GRIP1: variants seen among roughly 807,000 people sequenced by gnomAD.
GRIP1 encodes the protein glutamate receptor-interacting protein 1.
GRIP1 carries 45 observed loss-of-function variants against 129.9 expected under a neutral mutation model. The observed-to-expected ratio is 0.35, with a 90% CI of 0.27 to 0.44. GRIP1 has a LOEUF of 0.44. Ranked by LOEUF, GRIP1 falls within the 20% of genes least tolerant of loss-of-function variation. The pLI, the probability that GRIP1 is intolerant of heterozygous loss-of-function variation, is 1.00. For synonymous variants in GRIP1, 530 were observed against 520.8 expected (o/e 1.02, Z -0.24); for missense variants, 1,196 against 1,396.8 (o/e 0.86, Z 2.29).
intron 1 of GRIP1, among the ~76,000 whole-genome samples, chr12:66,603,381 C>T (rs2064367927): frequency 6.6e-6 from 1 of 152,226 alleles, no homozygotes; most frequent in South Asian, 2.1e-4. Flanking sequence ...TCTTCCCCTA[C>T]TGCTCTATTA....
intron 1 of GRIP1, among the ~76,000 whole-genome samples, chr12:66,760,793 C>A (rs996165790): frequency 1.3e-5 from 2 of 151,226 alleles, no homozygotes; most frequent in African/African-American, 4.9e-5. Flanking sequence ...CCACACATCT[C>A]AATTTGATCT....
chr12:66,558,797 A>G (rs914523423), intron 2 of GRIP1, among the ~76,000 whole-genome samples: 13 of 124,736 alleles, frequency 1.0e-4, no homozygotes, highest in African/African-American at 3.7e-4. Flanking sequence ...ATTCCAAAAA[A>G]TAAAGGAGAG....
chr12:66,807,881 C>T (rs185853039), upstream of GRIP1, among the ~76,000 whole-genome samples: 650 of 151,984 alleles, frequency 4.3e-3, 5 homozygotes, highest in African/African-American at 0.014. Flanking sequence ...AATGTGAGAA[C>T]GGACTAATAC....
chr12:66,789,736 C>T lies in GRIP1; in HGVS notation c.-420+14317G>A, dbSNP rs138426818. Among the ~76,000 whole-genome samples the T allele has an allele frequency of 5.8e-3, 883 of 152,120 alleles. 18 individuals are homozygous for T. In the South Asian group the frequency reaches 0.07, roughly 12 times the overall value. ...AACCATGCAATCCGAATTACTTCTC[C>T]CTTGAATATAAAACTCTCATACTTT... On this transcript the variant is annotated intron_variant, in intron 1 of 4. Transcript: ENST00000538373.
At chr12:66,997,423 T>C (rs1397934055) in intron 1 of GRIP1, among the ~76,000 whole-genome samples, 2 of 151,904 alleles carry the variant, frequency 1.3e-5, no homozygotes, top group Admixed American at 6.6e-5. Context: ...TCTCAAAAAA[T>C]AAGAAGAATA....
chr12:66,650,377 T>C (rs1014417109), intron 1 of GRIP1, among the ~76,000 whole-genome samples: 1 of 152,208 alleles, frequency 6.6e-6, no homozygotes, highest in African/African-American at 2.4e-5. Context: ...AAATAAAGTA[T>C]GTTTTATGAA....
At chr12:66,468,160 A>G (rs1353510966) in intron 7 of GRIP1, among the ~76,000 whole-genome samples, 2 of 152,124 alleles carry the variant, frequency 1.3e-5, no homozygotes, top group Non-Finnish European at 1.5e-5. Context: ...GTTCCAGCCA[A>G]TGGGAAGTGA....
chr12:67,026,724 T>C (rs2042946360), intron 1 of GRIP1, among the ~76,000 whole-genome samples: 1 of 152,134 alleles, frequency 6.6e-6, no homozygotes, highest in African/African-American at 2.4e-5. Context: ...TGATCTCATA[T>C]CTCATGGTCA....
chr12:67,038,961 T>A (rs1412130646), intron 1 of GRIP1, among the ~76,000 whole-genome samples: 3 of 152,044 alleles, frequency 2.0e-5, no homozygotes, highest in Admixed American at 2.0e-4. Flanking sequence ...ACCACAGCAA[T>A]ATGACCAAAC....
At chr12:66,846,249 T>C (rs1407869766) in intron 1 of GRIP1, among the ~76,000 whole-genome samples, 1 of 152,208 alleles carries the variant, frequency 6.6e-6, no homozygotes, top group Non-Finnish European at 1.5e-5. Context: ...GATTGTCTCC[T>C]TGACATTTTC....
intron 6 of GRIP1, among the ~76,000 whole-genome samples, chr12:66,516,151 G>A (rs950560644): frequency 2.6e-5 from 4 of 152,130 alleles, no homozygotes; most frequent in African/African-American, 4.8e-5. Flanking sequence ...AAAAGCCTGC[G>A]AATTTCATTC....
At chr12:66,417,868 C>T (rs1404081999) in intron 15 of GRIP1, among the ~76,000 whole-genome samples, 2 of 152,104 alleles carry the variant, frequency 1.3e-5, no homozygotes, top group African/African-American at 4.8e-5. Flanking sequence ...CTACCCAGAG[C>T]AATCTACATA....
At chr12:66,848,152 A>G (rs1320177311) in intron 1 of GRIP1, among the ~76,000 whole-genome samples, 1 of 152,048 alleles carries the variant, frequency 6.6e-6, no homozygotes, top group East Asian at 1.9e-4. Context: ...AATTTGTAAT[A>G]ATCTTCAGTT....
intron 1 of GRIP1, among the ~76,000 whole-genome samples, chr12:67,030,447 G>A (rs1361641540): frequency 6.6e-6 from 1 of 152,032 alleles, no homozygotes; most frequent in Non-Finnish European, 1.5e-5. Context: ...AATGAGGTCT[G>A]TACAAGAAAG....
In GRIP1 at chr12:66,559,642, C is replaced by T. The variant is rs538050199; in HGVS notation, c.137-17692G>A. On this transcript the variant is annotated intron_variant, in intron 2 of 24. Transcript: ENST00000359742. ...AAGTGAAAGGTCTTTACAATGAAAA[C>T]TTTAAAACCTTGATGAAAGAAATTG... is the stretch of plus-strand genomic sequence containing the variant. Among the ~76,000 whole-genome samples, 3 of 152,048 alleles carry T rather than the reference C, an allele frequency of 2.0e-5. No individual in the cohort carries two copies. The East Asian group carries it at 5.8e-4, about 29-fold the overall frequency.
chr12:66,709,123 C>A (rs1267260880), intron 1 of GRIP1, among the ~76,000 whole-genome samples: 2 of 151,842 alleles, frequency 1.3e-5, no homozygotes, highest in African/African-American at 4.8e-5. Flanking sequence ...CAAAATAAGG[C>A]ATTTTGAAAC....
At chr12:66,383,976 GA>G (rs1433271367) in intron 19 of GRIP1, among the ~76,000 whole-genome samples, 3 of 152,186 alleles carry the variant, frequency 2.0e-5, no homozygotes, top group African/African-American at 4.8e-5. Context: ...TGACCCCAAG[GA>G]TGAAAGTCAA....
intron 7 of GRIP1, among the ~76,000 whole-genome samples, chr12:66,477,478 C>T (rs2059654577): frequency 6.6e-6 from 1 of 151,858 alleles, no homozygotes; most frequent in Non-Finnish European, 1.5e-5. Flanking sequence ...GATTCAATGC[C>T]ATCCCCATCA....
intron 1 of GRIP1, among the ~76,000 whole-genome samples, chr12:66,760,319 T>G (rs2037433867): frequency 6.6e-6 from 1 of 151,944 alleles, no homozygotes; most frequent in Non-Finnish European, 1.5e-5. Flanking sequence ...AGCAACCCCC[T>G]ACTCCTGGTA....
Sources: gnomAD v4.1 joint callset for allele counts (sites outside exome capture counted in the v4.1 genomes callset) on GRCh38, gnomAD v4.1.1 for gene constraint, MANE v1.5 for transcripts, NCBI Gene and HGNC (gene_info 2026-07-23, HGNC 2026-07-21) for gene names.